The following EFR3A variants were observed in gnomAD, a reference collection of about 807,000 sequenced individuals.
EFR3A encodes EFR3 homolog A.
In EFR3A, 76 loss-of-function variants were observed where a neutral mutation model predicts 104.4. That is an observed-to-expected ratio of 0.73 (90% CI 0.60 to 0.88). The LOEUF is 0.88. Among genes scored for constraint, EFR3A ranks in the 40% least tolerant of loss-of-function variants. The pLI is 0.00. For synonymous variants in EFR3A, 330 were observed against 330.0 expected (o/e 1.00, Z 0.00); for missense variants, 985 against 1,012.5 (o/e 0.97, Z 0.37).
rs191253925 is a variant in EFR3A, at chr8:131,922,887, T to C, written c.11-17612T>C. ...AAGTTGTATTTAAAATTGTTGAACT[T>C]TCTGTTTTATAACTTACAGTAGATT... On this transcript the variant is annotated intron_variant, in intron 1 of 22. Coordinates refer to ENST00000254624, the MANE Select transcript of EFR3A (RefSeq NM_015137.6). 3.9e-5 allele frequency among the ~76,000 whole-genome samples: 6 copies of C among 152,292 alleles called. No individual in the cohort carries two copies. In the East Asian group the frequency reaches 1.2e-3, roughly 29 times the overall value.
chr8:131,938,302 A>G, intron 1 of EFR3A: 1 of 397,896 alleles, frequency 2.5e-6, no homozygotes, highest in Non-Finnish European at 4.4e-6. Context: ...AGTCACCTAC[A>G]TTTCTATACT....
chr8:131,953,799 T>C lies in EFR3A; in HGVS notation c.489-19T>C, dbSNP rs1818827826. On this transcript the variant is annotated intron_variant, in intron 5 of 22. Coordinates refer to ENST00000254624, the MANE Select transcript of EFR3A (RefSeq NM_015137.6). ...ATTTTTTTATGGCTCATTTTCTTCC[T>C]TTTTTTTTTTTTTTATAGGATACGA... 1 of 182,904 alleles carries C rather than the reference T, an allele frequency of 5.5e-6. No individual in the cohort carries two copies. Among genetic ancestry groups the C allele is most frequent in the Non-Finnish European group, 1.0e-5 (1 of 100,328 alleles). 11.3% of individuals were successfully genotyped at this position (182,904 alleles called of 1,614,324 possible).
intron 1 of EFR3A, among the ~76,000 whole-genome samples, chr8:131,936,156 C>T (rs560435948): frequency 3.0e-4 from 45 of 152,146 alleles, no homozygotes; most frequent in Admixed American, 7.9e-4. Context: ...GATGTTTCCT[C>T]TTCTAGAGGT....
intron 6 of EFR3A, among the ~76,000 whole-genome samples, chr8:131,954,857 T>C (rs1332678818): frequency 6.6e-6 from 1 of 152,010 alleles, no homozygotes; most frequent in Non-Finnish European, 1.5e-5. Flanking sequence ...ATAAAAGTAG[T>C]CTAGAAATGA....
At chr8:131,929,412 C>T (rs1174893556) in intron 1 of EFR3A, among the ~76,000 whole-genome samples, 1 of 152,118 alleles carries the variant, frequency 6.6e-6, no homozygotes, top group Admixed American at 6.6e-5. Flanking sequence ...ATGTGGCTCC[C>T]TTTGCCTGGG....
intron 16 of EFR3A, among the ~76,000 whole-genome samples, chr8:131,985,394 G>T (rs1239143702): frequency 6.6e-6 from 1 of 151,776 alleles, no homozygotes; most frequent in Non-Finnish European, 1.5e-5. Flanking sequence ...ATACTCTTTT[G>T]TTGTTTATTC....
At chr8:131,962,300 G>T (rs1819401976) in intron 8 of EFR3A, among the ~76,000 whole-genome samples, 3 of 151,138 alleles carry the variant, frequency 2.0e-5, no homozygotes, top group Non-Finnish European at 4.4e-5. Flanking sequence ...TCAGTGTGCT[G>T]TATTCAGGAA....
At chr8:131,931,803 G>A (rs1378031441) in intron 1 of EFR3A, among the ~76,000 whole-genome samples, 2 of 151,768 alleles carry the variant, frequency 1.3e-5, no homozygotes, top group African/African-American at 2.4e-5. Flanking sequence ...GTTTCTTTTT[G>A]TCTTCATCTT....
At chr8:131,998,286 C>CAAAGA (rs1821597608) in intron 19 of EFR3A, among the ~76,000 whole-genome samples, 1 of 151,958 alleles carries the variant, frequency 6.6e-6, no homozygotes, top group South Asian at 2.1e-4. Flanking sequence ...AGCAGAATAT[C>CAAAGA]AAACTATTTT....
intron 15 of EFR3A, 67 bp downstream of exon 15, chr8:131,984,367 T>G: frequency 7.2e-7 from 1 of 1,388,124 alleles, no homozygotes; most frequent in African/African-American, 1.5e-5. Flanking sequence ...TTTGAAATGT[T>G]GCCGTTATCC....
chr8:131,987,706 A>AGAG lies in EFR3A; in HGVS notation c.2065+10_2065+12dup. 1 of 1,581,116 alleles carries AGAG rather than the reference A, an allele frequency of 6.3e-7. No homozygotes were observed. The highest frequency in any genetic ancestry group is 8.6e-7 in the Non-Finnish European group (1 of 1,163,642). ...CCGTATGTACCACAAGTAACAGGTA[A>AGAG]GAGGAGGATAATTAGAACTTTCACT... On this transcript the variant is annotated splice_donor_region_variant and intron_variant, in intron 18 of 22. Transcript: ENST00000254624.
chr8:131,966,149 A>G (rs545615700), intron 8 of EFR3A, among the ~76,000 whole-genome samples: 16 of 152,316 alleles, frequency 1.1e-4, no homozygotes, highest in Admixed American at 4.6e-4. Context: ...AACATGGCAC[A>G]TGTATACATA....
chr8:131,904,308 T>C lies in EFR3A; in HGVS notation c.-5T>C. On this transcript the variant is annotated 5_prime_UTR_variant, in exon 1 of 23. Transcript: ENST00000254624. ...GGTGCGGCGGCGAGCGCGGTCGAGA[T>C]CGCCATGCCTACCCGTGAGTGGCCG... 1 of 1,263,376 alleles carries C rather than the reference T, an allele frequency of 7.9e-7. No individual in the cohort carries two copies. The highest frequency in any genetic ancestry group is 1.0e-6 in the Non-Finnish European group (1 of 1,003,644). The allele number at this position is 1,263,376 out of a possible 1,614,324, so 78.3% of individuals were successfully genotyped here. A position where few individuals can be genotyped will look rare whatever the true frequency, so the allele number is the denominator to read the frequency against.
chr8:131,929,129 A>T (rs1488769361), intron 1 of EFR3A, among the ~76,000 whole-genome samples: 2 of 152,122 alleles, frequency 1.3e-5, no homozygotes, highest in African/African-American at 4.8e-5. Flanking sequence ...AGTTTACCTC[A>T]AATTTAATAT....
chr8:131,991,958 C>T (rs1374804278), intron 18 of EFR3A, among the ~76,000 whole-genome samples: 3 of 152,158 alleles, frequency 2.0e-5, no homozygotes, highest in African/African-American at 4.8e-5. Context: ...TTTGAGACAA[C>T]ACTATATTTC....
At chr8:131,954,839 A>G (rs540818212) in intron 6 of EFR3A, among the ~76,000 whole-genome samples, 180 of 152,080 alleles carry the variant, frequency 1.2e-3, no homozygotes, top group African/African-American at 4.2e-3. Context: ...TATATGTGTA[A>G]TAGCAGCATA....
At chr8:131,928,110 A>G (rs966541628) in intron 1 of EFR3A, among the ~76,000 whole-genome samples, 10 of 152,260 alleles carry the variant, frequency 6.6e-5, no homozygotes, top group Admixed American at 5.9e-4. Flanking sequence ...CATTCCTGGC[A>G]CTTTGCGTGT....
intron 10 of EFR3A, among the ~76,000 whole-genome samples, chr8:131,974,894 A>G (rs934405077): frequency 6.6e-6 from 1 of 152,230 alleles, no homozygotes; most frequent in South Asian, 2.1e-4. Flanking sequence ...GTTACATTGA[A>G]AAGTCAGCTT....
At chr8:131,930,838 G>A (rs1378280039) in intron 1 of EFR3A, among the ~76,000 whole-genome samples, 1 of 151,960 alleles carries the variant, frequency 6.6e-6, no homozygotes, top group African/African-American at 2.4e-5. Flanking sequence ...TGGTCTCCTG[G>A]TTCTTTATAG....
Sources: allele counts gnomAD v4.1 joint callset (sites outside exome capture counted in the v4.1 genomes callset), GRCh38; gene constraint gnomAD v4.1.1; transcripts MANE v1.5; gene names NCBI Gene and HGNC (gene_info 2026-07-23, HGNC 2026-07-21).